MRS2: variants seen among roughly 807,000 people sequenced by gnomAD.
MRS2 encodes magnesium transporter MRS2.
Under a neutral mutation model 52.6 loss-of-function variants are expected in MRS2, and 40 were observed. That is an observed-to-expected ratio of 0.76 (90% CI 0.59 to 0.99). MRS2 has a LOEUF of 0.99. MRS2 is among the 50% of genes least tolerant of loss of function. The pLI is 0.00. For synonymous variants in MRS2, 193 were observed against 195.9 expected, an observed-to-expected ratio of 0.98 and a Z score of 0.13; for missense variants, 472 against 532.7, an observed-to-expected ratio of 0.89 and a Z score of 1.12.
At chr6:24,420,136 T>C (rs1761995096) in intron 9 of MRS2, among the ~76,000 whole-genome samples, 1 of 152,242 alleles carries the variant, frequency 6.6e-6, no homozygotes, top group Non-Finnish European at 1.5e-5. Context: ...GTCCATCTTG[T>C]GGGTAGCCAC....
Position 24,416,473 on chromosome 6 carries a change from G to T in MRS2, c.796G>T (p.Glu266Ter), listed in dbSNP as rs1761854015. The change falls in exon 7 of 11, where the codon GAA becomes TAA. Residue 266 changes from glutamate (E) to a stop codon, truncating the protein, a stop_gained. Transcript: ENST00000378386. LOFTEE classifies it high-confidence loss of function. ...GATCTTGGATGAGGAAGAGTTGCTAGAAGAGCTCTGTGTATCAAAATGGAG... is the reference window on the plus strand; with the variant it reads ...GATCTTGGATGAGGAAGAGTTGCTATAAGAGCTCTGTGTATCAAAATGGAG... Reference protein sequence around the residue: ...LEILDEEELLEELCVSKWSDP... With the variant: ...LEILDEEELL 6.2e-7 allele frequency: 1 copy of T among 1,603,222 alleles called. No homozygotes were observed. The highest frequency in any genetic ancestry group is 1.1e-5 in the South Asian group (1 of 90,576).
chr6:24,416,514 G>A lies in MRS2; in HGVS notation c.836+1G>A, dbSNP rs188837598. On this transcript the variant is annotated splice_donor_variant, in intron 7 of 10. Transcript: ENST00000378386. LOFTEE classifies it high-confidence loss of function. ...CAAAATGGAGTGACCCACAAGTCTT[G>A]TAAGTATATAATTATACTTTGTTAT... The A allele has an allele frequency of 2.2e-6, 3 of 1,383,682 alleles. No homozygotes were observed. The highest frequency in any genetic ancestry group is 2.3e-5 in the East Asian group (1 of 43,688). The allele number at this position is 1,383,682 out of a possible 1,614,324, so 85.7% of individuals were successfully genotyped here. A position where few individuals can be genotyped will look rare whatever the true frequency, so the allele number is the denominator to read the frequency against.
At chr6:24,412,424 G>T in intron 5 of MRS2, 29 bp downstream of exon 5, 1 of 1,478,842 alleles carries the variant, frequency 6.8e-7, no homozygotes, top group Admixed American at 2.4e-5. Context: ...AGCTTCTTGG[G>T]TTTATTCTGA....
intron 9 of MRS2, among the ~76,000 whole-genome samples, chr6:24,420,712 T>TA (rs1233119891): frequency 3.9e-5 from 6 of 152,130 alleles, no homozygotes; most frequent in African/African-American, 1.4e-4. Flanking sequence ...TGTAAGGCGG[T>TA]AACACCCTGG....
At chr6:24,411,969 CAT>C (rs1761673422) in intron 4 of MRS2, among the ~76,000 whole-genome samples, 1 of 145,938 alleles carries the variant, frequency 6.9e-6, no homozygotes, top group African/African-American at 2.5e-5. Context: ...AGTATCAAGA[CAT>C]ATATTTTTTA....
Position 24,408,188 on chromosome 6 carries a change from C to G in MRS2, c.265-220C>G, listed in dbSNP as rs565471950. On this transcript the variant is annotated intron_variant, in intron 2 of 10. Coordinates refer to ENST00000378386, the MANE Select transcript of MRS2 (RefSeq NM_020662.4). ...AGGAACCAAGATAGAAAGTTAAACC[C>G]AGGTCTGATTTTTCCTATCAAAGGA... Among the ~76,000 whole-genome samples the G allele has an allele frequency of 1.2e-4, 18 of 152,204 alleles. 1 individual carries two copies. The Middle Eastern group carries it at 0.017, about 144-fold the overall frequency.
rs1313682358 is a variant in MRS2 at position 24,426,150 on chromosome 6, TGTC to T, written c.*2457_*2459del. 2 of 152,248 alleles carry T rather than the reference TGTC, an allele frequency of 1.3e-5. No individual in the cohort carries two copies. Among genetic ancestry groups the T allele is most frequent in the East Asian group, 3.8e-4 (2 of 5,202 alleles). 9.4% of individuals were successfully genotyped at this position (152,248 alleles called of 1,614,324 possible). On this transcript the variant is annotated 3_prime_UTR_variant, in exon 11 of 11. Transcript: ENST00000378386. ...AAGACAGAAAATGCAAATATGTAAA[TGTC>T]TTCTGATATCTTGAAATAAAGATAA...
intron 2 of MRS2, among the ~76,000 whole-genome samples, chr6:24,406,482 A>G (rs1761479961): frequency 6.6e-6 from 1 of 152,308 alleles, no homozygotes; most frequent in Middle Eastern, 3.4e-3. Flanking sequence ...AGTTAAGAAT[A>G]CAAAATCAGG....
At chr6:24,419,480 C>T (rs1319448351) in intron 9 of MRS2, among the ~76,000 whole-genome samples, 4 of 152,098 alleles carry the variant, frequency 2.6e-5, no homozygotes, top group Admixed American at 2.0e-4. Flanking sequence ...TGTCTGGCAA[C>T]GTACCAGGCG....
At chr6:24,418,045 T>C (rs375281394) in intron 7 of MRS2, 39 bp from the exon 8 acceptor site, 1 of 1,575,418 alleles carries the variant, frequency 6.3e-7, no homozygotes, top group Non-Finnish European at 8.6e-7. Context: ...ATGATACACA[T>C]GTTGGGAGTA....
At chr6:24,408,091 C>G (rs370466991) in intron 2 of MRS2, among the ~76,000 whole-genome samples, 25 of 152,286 alleles carry the variant, frequency 1.6e-4, no homozygotes, top group African/African-American at 5.8e-4. Context: ...GTCTACCAGT[C>G]AATGGTCATT....
At chr6:24,410,447 G>A (rs373786717) in intron 4 of MRS2, among the ~76,000 whole-genome samples, 5 of 152,160 alleles carry the variant, frequency 3.3e-5, no homozygotes, top group African/African-American at 1.2e-4. Flanking sequence ...GAATGGTATT[G>A]GCCCTGTAGT....
At chr6:24,404,048 G>A (rs991159590) in intron 1 of MRS2, among the ~76,000 whole-genome samples, 5 of 152,210 alleles carry the variant, frequency 3.3e-5, no homozygotes, top group African/African-American at 1.2e-4. Flanking sequence ...GGAATAAAAG[G>A]TATTGAAATG....
In MRS2 at chr6:24,409,506, G is replaced by C; in HGVS notation, c.347G>C (p.Arg116Thr). 1 of 1,612,026 alleles carries C rather than the reference G, an allele frequency of 6.2e-7. No homozygotes were observed. The highest frequency in any genetic ancestry group is 8.5e-7 in the Non-Finnish European group (1 of 1,178,800). Reference protein sequence around the residue: ...ELYQELGLQARDLRFQHVMSI... With the variant: ...ELYQELGLQATDLRFQHVMSI... ...TACCAAGAGTTAGGTCTTCAAGCCA[G>C]AGATTTGAGATTTCAGCATGTAATG... The change falls in exon 4 of 11, where the codon AGA becomes ACA. Residue 116 changes from arginine (R) to threonine (T), a missense_variant. Physicochemically the swap from Arg to Thr is moderately conservative, Grantham distance 71. Transcript: ENST00000378386.
At chr6:24,414,295 C>CCGCCTT (rs1292593626) in intron 5 of MRS2, among the ~76,000 whole-genome samples, 2 of 151,974 alleles carry the variant, frequency 1.3e-5, no homozygotes, top group African/African-American at 4.8e-5. Context: ...GAGGACCCTG[C>CCGCCTT]CGCCTTCCGC....
In MRS2 at chr6:24,414,586, CT is replaced by C. The variant is rs1181113137; in HGVS notation, c.589-443del. 3.3e-5 allele frequency among the ~76,000 whole-genome samples: 5 copies of C among 152,192 alleles called. No individual in the cohort carries two copies. In the East Asian group the frequency reaches 9.6e-4, roughly 29 times the overall value. On this transcript the variant is annotated intron_variant, in intron 5 of 10. Transcript: ENST00000378386. ...CACAGTAACAATCTGATCTCTCTTT[CT>C]TTTCTCCACATTTCCCCCTTTTCTA... is the stretch of plus-strand genomic sequence containing the variant.
At chr6:24,411,557 A>G (rs1194767076) in intron 4 of MRS2, among the ~76,000 whole-genome samples, 2 of 152,114 alleles carry the variant, frequency 1.3e-5, no homozygotes, top group Non-Finnish European at 2.9e-5. Flanking sequence ...TCCAAAAAAG[A>G]AAGACGGAGT....
At chr6:24,405,084 C>T in intron 1 of MRS2, 84 bp from the exon 2 acceptor site, 1 of 900,360 alleles carries the variant, frequency 1.1e-6, no homozygotes, top group Non-Finnish European at 1.8e-6. Context: ...GTCTGAAGGC[C>T]TCCACATACT....
At chr6:24,421,027 T>A (rs945405680) in intron 9 of MRS2, among the ~76,000 whole-genome samples, 1 of 152,188 alleles carries the variant, frequency 6.6e-6, no homozygotes, top group Non-Finnish European at 1.5e-5. Context: ...AATCCAGCCA[T>A]TGACATTCTC....
Sources: allele counts gnomAD v4.1 joint callset (sites outside exome capture counted in the v4.1 genomes callset), GRCh38; gene constraint gnomAD v4.1.1; transcripts MANE v1.5; gene names NCBI Gene and HGNC (gene_info 2026-07-23, HGNC 2026-07-21).